MCC: variants seen among roughly 807,000 people sequenced by gnomAD.
The protein encoded by MCC is colorectal mutant cancer protein.
MCC carries 90 observed loss-of-function variants against 116.2 expected under a neutral mutation model. The ratio of observed to expected loss-of-function variants is 0.77; its 90% CI spans 0.65 to 0.92. MCC has a LOEUF of 0.92. Ranked by LOEUF, MCC falls within the 40% of genes least tolerant of loss-of-function variation. The pLI is 0.00. For missense variants in MCC, 1,516 were observed against 1,312.2 expected, an observed-to-expected ratio of 1.16 and a Z score of -2.40; for synonymous variants, 578 against 510.5, an observed-to-expected ratio of 1.13 and a Z score of -1.78.
At chr5:113,149,434 C>T (rs950486340) in intron 4 of MCC, among the ~76,000 whole-genome samples, 3 of 151,860 alleles carry the variant, frequency 2.0e-5, no homozygotes, top group African/African-American at 7.3e-5. Flanking sequence ...GAAATAAATA[C>T]TATGAAAATA....
chr5:113,475,283 T>C (rs916570566), intron 1 of MCC, among the ~76,000 whole-genome samples: 13 of 152,350 alleles, frequency 8.5e-5, no homozygotes, highest in East Asian at 7.7e-4. Context: ...TCTAGAATTT[T>C]CCAAGCAACA....
At chr5:113,260,253 C>T (rs1242862974) in intron 3 of MCC, among the ~76,000 whole-genome samples, 1 of 152,074 alleles carries the variant, frequency 6.6e-6, no homozygotes, top group African/African-American at 2.4e-5. Flanking sequence ...TTTTAAAATA[C>T]TTTTAAAAAT....
intron 11 of MCC, among the ~76,000 whole-genome samples, chr5:113,072,536 C>A (rs1350669357): frequency 6.6e-6 from 1 of 152,212 alleles, no homozygotes; most frequent in East Asian, 1.9e-4. Flanking sequence ...TCAGACAACA[C>A]CCCACTGATC....
chr5:113,385,389 G>A (rs1769230089), intron 1 of MCC, among the ~76,000 whole-genome samples, 177 bp from the exon 2 acceptor site: 1 of 152,098 alleles, frequency 6.6e-6, no homozygotes, highest in Non-Finnish European at 1.5e-5. Flanking sequence ...TTCCATTTGG[G>A]TTATTCTAAA....
chr5:113,079,143 C>T (rs1057136846), intron 11 of MCC, among the ~76,000 whole-genome samples: 1 of 152,154 alleles, frequency 6.6e-6, no homozygotes, highest in African/African-American at 2.4e-5. Flanking sequence ...CAAACCACTG[C>T]TCAACGAAAT....
intron 1 of MCC, among the ~76,000 whole-genome samples, chr5:113,402,216 C>G (rs1055579752): frequency 6.6e-6 from 1 of 150,400 alleles, no homozygotes; most frequent in African/African-American, 2.5e-5. Flanking sequence ...ATGGCGTGAA[C>G]CCGGGAGGCG....
At chr5:113,358,508 AT>A (rs1768467938) in intron 2 of MCC, among the ~76,000 whole-genome samples, 2 of 152,046 alleles carry the variant, frequency 1.3e-5, no homozygotes, top group African/African-American at 4.8e-5. Flanking sequence ...TGTTTAGGGG[AT>A]CCTGAGACCT....
chr5:113,433,812 C>A (rs752814803), intron 1 of MCC: 3 of 1,613,862 alleles, frequency 1.9e-6, no homozygotes, highest in East Asian at 4.5e-5. Context: ...GCTGGGGAAA[C>A]CCAGGATCTC....
intron 11 of MCC, among the ~76,000 whole-genome samples, chr5:113,074,541 T>A (rs947853894): frequency 6.6e-6 from 1 of 150,842 alleles, no homozygotes; most frequent in Non-Finnish European, 1.5e-5. Context: ...ATGACTTTGA[T>A]GAGTTGATAG....
chr5:113,185,556 A>C (rs1432674168), intron 3 of MCC, among the ~76,000 whole-genome samples: 1 of 152,240 alleles, frequency 6.6e-6, no homozygotes, highest in African/African-American at 2.4e-5. Context: ...AGCTACACAG[A>C]TATCAGCAAG....
chr5:113,252,607 A>G (rs1291756430), intron 3 of MCC, among the ~76,000 whole-genome samples: 1 of 152,238 alleles, frequency 6.6e-6, no homozygotes, highest in African/African-American at 2.4e-5. Context: ...CAATGTAATA[A>G]TAATAGAAAT....
At chr5:113,136,434 T>C (rs552649677) in intron 5 of MCC, among the ~76,000 whole-genome samples, 1 of 152,310 alleles carries the variant, frequency 6.6e-6, no homozygotes, top group South Asian at 2.1e-4. Context: ...GATATTCCTA[T>C]AGGTAGAATT....
chr5:113,181,272 G>T (rs2150309054), intron 3 of MCC, among the ~76,000 whole-genome samples: 3 of 152,308 alleles, frequency 2.0e-5, no homozygotes, highest in Middle Eastern at 6.8e-3. Flanking sequence ...GCAAATTTTA[G>T]ACCACCACTA....
intron 3 of MCC, among the ~76,000 whole-genome samples, chr5:113,221,701 C>T (rs1763557359): frequency 6.6e-6 from 1 of 152,232 alleles, no homozygotes; most frequent in Non-Finnish European, 1.5e-5. Context: ...TCTTGTGGAC[C>T]TGACTGAGGA....
chr5:113,378,715 C>T lies in MCC; in HGVS notation c.415+6253G>A, dbSNP rs367874350. ...CCCTTCAGTGGCCATCAGCCTGAAG[C>T]ACTGCCCCTTTCACATAATTCACAT... is the stretch of plus-strand genomic sequence containing the variant. On this transcript the variant is annotated intron_variant, in intron 2 of 18. Transcript: ENST00000408903. Among the ~76,000 whole-genome samples, 219 of 152,306 alleles carry T rather than the reference C, an allele frequency of 1.4e-3. 1 individual carries two copies. The highest frequency in any genetic ancestry group is 5.0e-3 in the African/African-American group (209 of 41,568).
chr5:113,105,208 A>T (rs1346900829), intron 6 of MCC, among the ~76,000 whole-genome samples: 2 of 152,202 alleles, frequency 1.3e-5, no homozygotes, highest in Non-Finnish European at 2.9e-5. Context: ...GTAATCTTTC[A>T]GAGTACATTC....
At chr5:113,346,544 G>A (rs970351984) in intron 2 of MCC, among the ~76,000 whole-genome samples, 7 of 151,930 alleles carry the variant, frequency 4.6e-5, no homozygotes, top group African/African-American at 7.3e-5. Flanking sequence ...AAGTCGCAGC[G>A]AGCCAAGATC....
chr5:113,361,682 A>C (rs1007107589), intron 2 of MCC, among the ~76,000 whole-genome samples: 1 of 152,198 alleles, frequency 6.6e-6, no homozygotes. Context: ...CATTTGAATC[A>C]CTGGACTGAG....
At chr5:113,219,845 A>C (rs564074770) in intron 3 of MCC, among the ~76,000 whole-genome samples, 1 of 152,028 alleles carries the variant, frequency 6.6e-6, no homozygotes, top group East Asian at 1.9e-4. Context: ...GACTCCCACT[A>C]ATGTTTTTCC....
Sources: allele counts gnomAD v4.1 joint callset (sites outside exome capture counted in the v4.1 genomes callset), GRCh38; gene constraint gnomAD v4.1.1; transcripts MANE v1.5; gene names NCBI Gene and HGNC (gene_info 2026-07-23, HGNC 2026-07-21).